PTGFRN: variants seen among roughly 807,000 people sequenced by gnomAD.
PTGFRN encodes prostaglandin F2 receptor negative regulator.
In PTGFRN, 35 loss-of-function variants were observed where a neutral mutation model predicts 83.2. That is an observed-to-expected ratio of 0.42 (90% CI 0.32 to 0.56). PTGFRN has a LOEUF of 0.56. Ranked by LOEUF, PTGFRN falls within the 20% of genes least tolerant of loss-of-function variation. PTGFRN has a pLI of 0.11. For synonymous variants in PTGFRN, 519 were observed against 498.6 expected (o/e 1.04, Z -0.55); for missense variants, 1,051 against 1,179.5 (o/e 0.89, Z 1.60).
At chr1:116,926,390 C>T (rs928010878) in intron 1 of PTGFRN, among the ~76,000 whole-genome samples, 3 of 152,180 alleles carry the variant, frequency 2.0e-5, no homozygotes, top group African/African-American at 7.2e-5. Context: ...GTGCTTGGGC[C>T]TCTAGCAGCT....
intron 6 of PTGFRN, among the ~76,000 whole-genome samples, chr1:116,971,428 A>G (rs1650990039): frequency 6.6e-6 from 1 of 151,924 alleles, no homozygotes; most frequent in Admixed American, 6.6e-5. Context: ...TAGTTCCTAT[A>G]CTCTCTGCAG....
intron 1 of PTGFRN, among the ~76,000 whole-genome samples, chr1:116,931,316 A>G (rs1336458940): frequency 6.6e-6 from 1 of 152,160 alleles, no homozygotes; most frequent in Non-Finnish European, 1.5e-5. Flanking sequence ...GCACTGTTCC[A>G]CACCTCCTGA....
intron 7 of PTGFRN, among the ~76,000 whole-genome samples, chr1:116,977,960 A>T (rs1314329283): frequency 1.3e-5 from 2 of 152,200 alleles, no homozygotes; most frequent in African/African-American, 4.8e-5. Flanking sequence ...GATCAACAAA[A>T]TAGATAGACC....
At position 116,988,799 on chromosome 1, in the gene PTGFRN, G is replaced by T. The variant is rs1651604159; in HGVS notation, c.*1832G>T. On this transcript the variant is annotated 3_prime_UTR_variant, in exon 9 of 9. Coordinates refer to ENST00000393203, the MANE Select transcript of PTGFRN (RefSeq NM_020440.4). ...AACATTAGATTCTGCATTGACAGTA[G>T]CCTTTCCTTGGCCCGGGCCTGTGGT... 1 of 152,618 alleles carries T rather than the reference G, an allele frequency of 6.6e-6. No homozygotes were observed. The highest frequency in any genetic ancestry group is 2.4e-5 in the African/African-American group (1 of 41,446). The allele number at this position is 152,618 out of a possible 1,614,324, so 9.5% of individuals were successfully genotyped here.
intron 1 of PTGFRN, among the ~76,000 whole-genome samples, chr1:116,914,018 A>T (rs910816067): frequency 1.3e-5 from 2 of 152,254 alleles, no homozygotes; most frequent in Non-Finnish European, 1.5e-5. Context: ...CAGGTAGGCT[A>T]AACTGCTCTA....
At chr1:116,954,627 C>T (rs1454026361) in intron 4 of PTGFRN, among the ~76,000 whole-genome samples, 1 of 152,180 alleles carries the variant, frequency 6.6e-6, no homozygotes, top group African/African-American at 2.4e-5. Context: ...CTCTTGTCTT[C>T]CGGGACGTAG....
intron 1 of PTGFRN, among the ~76,000 whole-genome samples, chr1:116,914,554 C>T (rs544988960): frequency 1.4e-4 from 21 of 152,124 alleles, no homozygotes; most frequent in African/African-American, 2.7e-4. Context: ...AGATCGAGAC[C>T]GGCCTGTGCA....
At chr1:116,944,011 C>T (rs954102869) in intron 2 of PTGFRN, among the ~76,000 whole-genome samples, 1 of 152,178 alleles carries the variant, frequency 6.6e-6, no homozygotes, top group South Asian at 2.1e-4. Context: ...TCCTTGATCG[C>T]CGTCCCCTTT....
In PTGFRN at chr1:116,910,009, C is replaced by A; in HGVS notation, c.-195C>A. On this transcript the variant is annotated 5_prime_UTR_variant, in exon 1 of 9. Transcript: ENST00000393203. Reference sequence around the variant, plus strand: ...CGGCTGGAGGAGGGAGGGAAGGAGGCGGGAGGGAGCGAGCGGAGCCAGGGG... The same window carrying A: ...CGGCTGGAGGAGGGAGGGAAGGAGGAGGGAGGGAGCGAGCGGAGCCAGGGG... The A allele has an allele frequency of 1.5e-6, 1 of 653,508 alleles. No individual in the cohort carries two copies. Among genetic ancestry groups the A allele is most frequent in the Non-Finnish European group, 2.7e-6 (1 of 374,388 alleles). The allele number at this position is 653,508 out of a possible 1,614,324, so 40.5% of individuals were successfully genotyped here. A position where few individuals can be genotyped will look rare whatever the true frequency, so the allele number is the denominator to read the frequency against.
chr1:116,913,032 G>A (rs1649311432), intron 1 of PTGFRN, among the ~76,000 whole-genome samples: 1 of 152,168 alleles, frequency 6.6e-6, no homozygotes, highest in Non-Finnish European at 1.5e-5. Context: ...CATTTCTTGA[G>A]TGGCCACTCT....
At position 116,952,660 on chromosome 1, in the gene PTGFRN, G is replaced by C. The variant is rs1650380661; in HGVS notation, c.1213+3088G>C. On this transcript the variant is annotated intron_variant, in intron 4 of 8. Coordinates refer to ENST00000393203, the MANE Select transcript of PTGFRN (RefSeq NM_020440.4). This position sits in a 1 kb window ranked among gnomAD's most constrained non-coding sequence, Gnocchi z 4.0. Reference sequence around the variant, plus strand: ...ACAAAAAAAAAGATGTGATTATACAGTTCTCCTCTGAGGAAGGAAAACATT... The same window carrying C: ...ACAAAAAAAAAGATGTGATTATACACTTCTCCTCTGAGGAAGGAAAACATT... Among the ~76,000 whole-genome samples, 1 of 152,168 alleles carries C rather than the reference G, an allele frequency of 6.6e-6. No individual in the cohort carries two copies. The highest frequency in any genetic ancestry group is 6.5e-5 in the Admixed American group (1 of 15,280).
chr1:116,934,546 T>C (rs1320213414), intron 1 of PTGFRN, among the ~76,000 whole-genome samples: 1 of 152,216 alleles, frequency 6.6e-6, no homozygotes. Context: ...AAAATTTCAA[T>C]TTGATTGTTT....
intron 5 of PTGFRN, among the ~76,000 whole-genome samples, chr1:116,964,296 T>C (rs1331020463): frequency 6.6e-6 from 1 of 152,222 alleles, no homozygotes; most frequent in South Asian, 2.1e-4. Context: ...GTAATCATCA[T>C]ATTGGAAAAT....
intron 1 of PTGFRN, among the ~76,000 whole-genome samples, chr1:116,913,903 T>C (rs1273290065): frequency 6.6e-6 from 1 of 152,376 alleles, no homozygotes; most frequent in East Asian, 1.9e-4. Context: ...ACACATTCTC[T>C]TTATGTCTTT....
Position 116,982,112 on chromosome 1 carries a change from C to T in PTGFRN, c.2168-2568C>T, listed in dbSNP as rs148507417. On this transcript the variant is annotated intron_variant, in intron 7 of 8. Coordinates refer to ENST00000393203, the MANE Select transcript of PTGFRN (RefSeq NM_020440.4). ...TGATGGTAAAACTAGAAGAGACTAC[C>T]GGGGAAAAGGGAGGAAAATCCTTTT... Among the ~76,000 whole-genome samples the T allele has an allele frequency of 3.9e-3, 598 of 152,174 alleles. 5 individuals are homozygous for T. Among genetic ancestry groups the T allele is most frequent in the African/African-American group, 0.012 (516 of 41,532 alleles).
At chr1:116,946,698 C>T (rs557333452) in intron 3 of PTGFRN, among the ~76,000 whole-genome samples, 1 of 152,264 alleles carries the variant, frequency 6.6e-6, no homozygotes, top group Non-Finnish European at 1.5e-5. Context: ...TTTCGACAGC[C>T]TTTTGAAACC....
chr1:116,984,680 A>G lies in PTGFRN; in HGVS notation c.2168A>G (p.Asp723Gly). 2 of 1,612,812 alleles carry G rather than the reference A, an allele frequency of 1.2e-6. No individual in the cohort carries two copies. Among genetic ancestry groups the G allele is most frequent in the Non-Finnish European group, 1.7e-6 (2 of 1,179,100 alleles). The change falls in exon 8 of 9, where the codon GAT becomes GGT. Residue 723 changes from aspartate (D) to glycine (G), a missense_variant and splice_region_variant. By Grantham distance (94) the Asp-to-Gly change is moderately conservative. Transcript: ENST00000393203. The part of the protein sequence containing the change: ...ITVEGAALDP[D>G]DMAFDVSWFA... ...AGGGTTTTGGCTTGGTAATCCGTAGATGACATGGCCTTTGATGTGTCCTGG... is the reference window on the plus strand; with the variant it reads ...AGGGTTTTGGCTTGGTAATCCGTAGGTGACATGGCCTTTGATGTGTCCTGG...
intron 1 of PTGFRN, among the ~76,000 whole-genome samples, chr1:116,922,308 A>G (rs1227190477): frequency 6.6e-6 from 1 of 152,204 alleles, no homozygotes; most frequent in Non-Finnish European, 1.5e-5. Context: ...TTATCAGAGC[A>G]TTTCTTCAAA....
chr1:116,964,818 G>T (rs148228599), intron 5 of PTGFRN, among the ~76,000 whole-genome samples: 36 of 152,300 alleles, frequency 2.4e-4, no homozygotes, highest in Non-Finnish European at 4.6e-4. Flanking sequence ...ATCCTTGACT[G>T]CTCGTTGTTA....
Sources: gnomAD v4.1 joint callset for allele counts (sites outside exome capture counted in the v4.1 genomes callset) on GRCh38, gnomAD v4.1.1 for gene constraint, Gnocchi (gnomAD v3.1) non-coding constraint, MANE v1.5 for transcripts, NCBI Gene and HGNC (gene_info 2026-07-23, HGNC 2026-07-21) for gene names.